The following ZNF536 variants were observed in gnomAD, a reference collection of about 807,000 sequenced individuals.
The protein encoded by ZNF536 is zinc finger protein 536.
Under a neutral mutation model 84.5 loss-of-function variants are expected in ZNF536, and 13 were observed. The ratio of observed to expected loss-of-function variants is 0.15; its 90% CI spans 0.10 to 0.24. The LOEUF (loss-of-function observed/expected upper bound fraction) is 0.24, where lower values mean the gene tolerates loss of function less well. ZNF536 is among the 10% of genes least tolerant of loss of function. The pLI is 1.00. For missense variants in ZNF536, 1,536 were observed against 1,747.5 expected, an observed-to-expected ratio of 0.88 and a Z score of 2.16; for synonymous variants, 811 against 742.5, an observed-to-expected ratio of 1.09 and a Z score of -1.50.
chr19:30,680,233 A>G (rs2050911411), intron 1 of ZNF536, among the ~76,000 whole-genome samples: 2 of 48,648 alleles, frequency 4.1e-5, no homozygotes, highest in Middle Eastern at 8.6e-3. Flanking sequence ...TATGATTATT[A>G]TTTTTATTTT....
chr19:30,352,143 T>G (rs750156265), intron 2 of ZNF536, among the ~76,000 whole-genome samples: 1 of 152,214 alleles, frequency 6.6e-6, no homozygotes, highest in African/African-American at 2.4e-5. Flanking sequence ...TTTATTGATC[T>G]GATGAAAATG....
chr19:30,557,187 A>G lies in ZNF536; in HGVS notation c.*23A>G. 2 of 1,613,408 alleles carry G rather than the reference A, an allele frequency of 1.2e-6. No homozygotes were observed. Among genetic ancestry groups the G allele is most frequent in the East Asian group, 4.5e-5 (2 of 44,844 alleles). ...TGACACTCCCTGTCCTAGTCGGTCT[A>G]TCTGGACTTGCCCTTGTCTGTTCGT... On this transcript the variant is annotated 3_prime_UTR_variant, in exon 5 of 5. Transcript: ENST00000355537.
At chr19:30,315,455 AC>A (rs1291223581) in intron 2 of ZNF536, among the ~76,000 whole-genome samples, 1 of 151,978 alleles carries the variant, frequency 6.6e-6, no homozygotes, top group Non-Finnish European at 1.5e-5. Context: ...GGCATGAGCC[AC>A]CCCCCTCTGG....
chr19:30,573,785 C>T (rs970654020), intron 1 of ZNF536, among the ~76,000 whole-genome samples: 2 of 152,162 alleles, frequency 1.3e-5, no homozygotes, highest in African/African-American at 2.4e-5. Flanking sequence ...AGTTAAGCCA[C>T]CTTGGAGAGA....
At position 30,547,936 on chromosome 19, in the gene ZNF536, C is replaced by G. The variant is rs2146172654; in HGVS notation, c.2324-7C>G. 2 of 1,517,652 alleles carry G rather than the reference C, an allele frequency of 1.3e-6. No individual in the cohort carries two copies. The highest frequency in any genetic ancestry group is 1.8e-6 in the Non-Finnish European group (2 of 1,134,530). 94.0% of individuals were successfully genotyped at this position (1,517,652 alleles called of 1,614,324 possible). A position where few individuals can be genotyped will look rare whatever the true frequency, so the allele number is the denominator to read the frequency against. On this transcript the variant is annotated splice_polypyrimidine_tract_variant and splice_region_variant and intron_variant, in intron 3 of 4. Coordinates refer to ENST00000355537, the MANE Select transcript of ZNF536 (RefSeq NM_014717.3). ...CCTCTTTTTTTTCTTATATCAAAAT[C>G]TTGCAGGTGAGAAACCCTACAAGTG...
intron 1 of ZNF536, among the ~76,000 whole-genome samples, chr19:30,623,601 C>G (rs990733838): frequency 2.0e-5 from 3 of 152,250 alleles, no homozygotes; most frequent in African/African-American, 7.2e-5. Flanking sequence ...ACAATGACTT[C>G]TCCATGCATA....
intron 1 of ZNF536, among the ~76,000 whole-genome samples, chr19:30,646,584 G>A (rs572824328): frequency 1.2e-4 from 19 of 152,286 alleles, no homozygotes; most frequent in African/African-American, 2.9e-4. Context: ...TGTTGATCAC[G>A]CACTGTCCAG....
chr19:30,263,515 C>T (rs955943285), intron 1 of ZNF536, among the ~76,000 whole-genome samples: 7 of 152,196 alleles, frequency 4.6e-5, no homozygotes, highest in East Asian at 3.9e-4. Flanking sequence ...GGAGTGTGTG[C>T]GTGTCTGTGA....
chr19:30,505,747 C>A (rs2055149975), intron 2 of ZNF536, among the ~76,000 whole-genome samples: 1 of 151,970 alleles, frequency 6.6e-6, no homozygotes, highest in African/African-American at 2.4e-5. Flanking sequence ...CTCACTGCAA[C>A]CTCTGCCTCC....
intron 1 of ZNF536, among the ~76,000 whole-genome samples, chr19:30,670,118 G>T (rs985507886): frequency 3.3e-5 from 5 of 152,222 alleles, no homozygotes; most frequent in Non-Finnish European, 7.3e-5. Flanking sequence ...TTGTGGCTAG[G>T]TGCCAGAAGC....
intron 1 of ZNF536, among the ~76,000 whole-genome samples, chr19:30,414,718 T>C (rs2147756946): frequency 6.6e-6 from 1 of 152,362 alleles, no homozygotes; most frequent in East Asian, 1.9e-4. Flanking sequence ...CATTATGTAC[T>C]ACCCATTATT....
chr19:30,377,641 G>A (rs1333962658), intron 1 of ZNF536, among the ~76,000 whole-genome samples: 1 of 152,144 alleles, frequency 6.6e-6, no homozygotes, highest in Non-Finnish European at 1.5e-5. Flanking sequence ...ACAAGGGTTT[G>A]TGAAAAGGGA....
intron 2 of ZNF536, among the ~76,000 whole-genome samples, chr19:30,298,908 T>C (rs1165398465): frequency 1.3e-5 from 2 of 152,214 alleles, no homozygotes; most frequent in Non-Finnish European, 1.5e-5. Context: ...GTAAGAGAAA[T>C]TGGCCCTATA....
downstream of ZNF536, among the ~76,000 whole-genome samples, chr19:30,558,818 A>G (rs925416969): frequency 6.6e-6 from 1 of 152,128 alleles, no homozygotes; most frequent in Non-Finnish European, 1.5e-5. Flanking sequence ...GCCCTTGTCT[A>G]ACTGGTCCTT....
intron 2 of ZNF536, among the ~76,000 whole-genome samples, chr19:30,344,881 T>C (rs867061222): frequency 3.9e-5 from 6 of 152,194 alleles, no homozygotes; most frequent in Non-Finnish European, 8.8e-5. Flanking sequence ...CCCTGTGATC[T>C]TGTCACTACG....
At chr19:30,387,020 T>C (rs982225758) in intron 1 of ZNF536, among the ~76,000 whole-genome samples, 1 of 152,214 alleles carries the variant, frequency 6.6e-6, no homozygotes, top group African/African-American at 2.4e-5. Context: ...AAAAAGATGC[T>C]AGAGGAAGCA....
At chr19:30,547,918 T>A (rs748059152) in intron 3 of ZNF536, 25 bp from the exon 4 acceptor site, 1 of 1,513,378 alleles carries the variant, frequency 6.6e-7, no homozygotes, top group Non-Finnish European at 8.8e-7. Flanking sequence ...ACGCCTCTTT[T>A]TTTTCTTATA....
intron 2 of ZNF536, among the ~76,000 whole-genome samples, chr19:30,456,702 A>C (rs1220379206): frequency 6.6e-6 from 1 of 152,180 alleles, no homozygotes; most frequent in African/African-American, 2.4e-5. Context: ...AATGCTTATT[A>C]AGTGGCTTCT....
At chr19:30,484,667 C>A (rs955701075) in intron 2 of ZNF536, among the ~76,000 whole-genome samples, 1 of 96,310 alleles carries the variant, frequency 1.0e-5, no homozygotes, top group Non-Finnish European at 1.8e-5. Context: ...TTTCTTTTTT[C>A]TTCTTCTTCT....
Sources: allele counts gnomAD v4.1 joint callset (sites outside exome capture counted in the v4.1 genomes callset), GRCh38; gene constraint gnomAD v4.1.1; transcripts MANE v1.5; gene names NCBI Gene and HGNC (gene_info 2026-07-23, HGNC 2026-07-21).